The following NPTX1 variants were observed in gnomAD, a reference collection of about 807,000 sequenced individuals.
The protein encoded by NPTX1 is neuronal pentraxin 1.
Under a neutral mutation model 38.7 loss-of-function variants are expected in NPTX1, and 12 were observed. The ratio of observed to expected loss-of-function variants is 0.31; its 90% CI spans 0.20 to 0.50. The LOEUF (loss-of-function observed/expected upper bound fraction) is 0.50, where lower values mean the gene tolerates loss of function less well. NPTX1 is among the 20% of genes least tolerant of loss of function. NPTX1 has a pLI of 0.98. For missense variants in NPTX1, 454 were observed against 592.2 expected, an observed-to-expected ratio of 0.77 and a Z score of 2.42; for synonymous variants, 272 against 264.9, an observed-to-expected ratio of 1.03 and a Z score of -0.26.
At chr17:80,474,071 G>A (rs1215491112) in intron 2 of NPTX1, 1 of 154,262 alleles carries the variant, frequency 6.5e-6, no homozygotes, top group African/African-American at 2.4e-5. Flanking sequence ...TCTGCCTGGA[G>A]CTCTGCTGAG....
intron 3 of NPTX1, among the ~76,000 whole-genome samples, chr17:80,472,790 G>A (rs1236713993): frequency 1.3e-5 from 2 of 152,168 alleles, no homozygotes; most frequent in African/African-American, 4.8e-5. Flanking sequence ...GGGGCTGAGT[G>A]GGATAGACTT....
rs905630699 is a variant in NPTX1, at chr17:80,472,055, C to T, written c.898-144G>A. ...ACTGAATTCTCACAGCACCTACTGC[C>T]CCAGACTTCAGCGTCTGTCAGCCCC... On this transcript the variant is annotated intron_variant, in intron 3 of 4. Coordinates refer to ENST00000306773, the MANE Select transcript of NPTX1 (RefSeq NM_002522.4). The T allele has an allele frequency of 2.3e-5, 19 of 815,948 alleles. No individual in the cohort carries two copies. In the Admixed American group the frequency reaches 3.3e-4, roughly 14 times the overall value. 50.5% of individuals were successfully genotyped at this position (815,948 alleles called of 1,614,324 possible).
In NPTX1 at chr17:80,476,072, C is replaced by T. The variant is rs1422006300; in HGVS notation, c.375G>A (p.Pro125=). The change falls in exon 1 of 5, where the codon CCG becomes CCA. Residue 125 remains proline, a synonymous_variant. Transcript: ENST00000306773. The surrounding 1 kb of genome is among the most constrained non-coding windows in gnomAD (Gnocchi z 6.3). ...CGAGTTGGCTGAGCGTCTCGGCGGCCGGTGTCCGGGACAGGTCGCCCATGG... is the reference window on the plus strand; with the variant it reads ...CGAGTTGGCTGAGCGTCTCGGCGGCTGGTGTCCGGGACAGGTCGCCCATGG... ...KNTMGDLSRT[P]AAETLSQLGQ... 3.1e-6 allele frequency: 5 copies of T among 1,608,146 alleles called. No homozygotes were observed. Among genetic ancestry groups the T allele is most frequent in the African/African-American group, 2.7e-5 (2 of 74,188 alleles).
At position 80,470,689 on chromosome 17, in the gene NPTX1, G is replaced by T. The variant is rs2083835718; in HGVS notation, c.*124C>A. On this transcript the variant is annotated 3_prime_UTR_variant, in exon 5 of 5. Transcript: ENST00000306773. ...GGACAAAACCAGGCTGTGTGCGTGT[G>T]CGTGTGCAGGGGCGACGGCCTCGGT... 1 of 665,722 alleles carries T rather than the reference G, an allele frequency of 1.5e-6. No individual in the cohort carries two copies. Among genetic ancestry groups the T allele is most frequent in the Non-Finnish European group, 2.6e-6 (1 of 390,872 alleles). 41.2% of individuals were successfully genotyped at this position (665,722 alleles called of 1,614,324 possible).
chr17:80,473,873 A>G (rs991098735), intron 2 of NPTX1: 1 of 205,130 alleles, frequency 4.9e-6, no homozygotes, highest in African/African-American at 2.3e-5. Flanking sequence ...TGATTCCAGG[A>G]TGGGGCGGGG....
Position 80,476,277 on chromosome 17 carries a change from C to A in NPTX1, c.170G>T (p.Ser57Ile). 6.4e-7 allele frequency: 1 copy of A among 1,564,408 alleles called. No homozygotes were observed. Among genetic ancestry groups the A allele is most frequent in the Non-Finnish European group, 8.6e-7 (1 of 1,163,308 alleles). ...CACCGTCTCGCGGAGCTGCAGCACGCTGCTCCGGAGCTCCTCGGCGCCGCC... is the reference window on the plus strand; with the variant it reads ...CACCGTCTCGCGGAGCTGCAGCACGATGCTCCGGAGCTCCTCGGCGCCGCC... ...AAGGAEELRS[S>I]VLQLRETVLQ... Residue 57 changes from serine to isoleucine, a missense_variant, in exon 1 of 5, where the codon AGC becomes ATC. By Grantham distance (142) the Ser-to-Ile change is moderately radical. Transcript: ENST00000306773. This position sits in a 1 kb window ranked among gnomAD's most constrained non-coding sequence, Gnocchi z 6.3.
In NPTX1 at chr17:80,471,840, G is replaced by A. The variant is rs151190246; in HGVS notation, c.969C>T (p.Asp323=). 5.0e-5 allele frequency: 80 copies of A among 1,613,660 alleles called. No individual in the cohort carries two copies. Among genetic ancestry groups the A allele is most frequent in the Middle Eastern group, 1.7e-4 (1 of 6,060 alleles). Residue 323 remains aspartate, a synonymous_variant, in exon 4 of 5, where the codon GAC becomes GAT. Transcript: ENST00000306773. ...CATCCTGGTAGGCCTCCCAGACCCC[G>A]TCCCGGGTGGTCCAGGTGACACAGA... The part of the protein sequence containing the change: ...HHICVTWTTR[D]GVWEAYQDGT...
chr17:80,471,969 A>G lies in NPTX1; in HGVS notation c.898-58T>C, dbSNP rs1053414057. The G allele has an allele frequency of 4.8e-6, 7 of 1,471,934 alleles. No individual in the cohort carries two copies. The African/African-American group carries it at 7.0e-5, about 15-fold the overall frequency. 91.2% of individuals were successfully genotyped at this position (1,471,934 alleles called of 1,614,324 possible). On this transcript the variant is annotated intron_variant, in intron 3 of 4. Transcript: ENST00000306773. ...AGTACAGGGGTACAGCCCAGAAGCCATAATCTTCACTGCCTCAGTTGTTCC... is the reference window on the plus strand; with the variant it reads ...AGTACAGGGGTACAGCCCAGAAGCCGTAATCTTCACTGCCTCAGTTGTTCC...
In NPTX1 at chr17:80,475,817, G is replaced by A. The variant is rs374825812; in HGVS notation, c.445-99C>T. 6 of 1,032,826 alleles carry A rather than the reference G, an allele frequency of 5.8e-6. No individual in the cohort carries two copies. In the Admixed American group the frequency reaches 1.1e-4, roughly 18 times the overall value. The allele number at this position is 1,032,826 out of a possible 1,614,324, so 64.0% of individuals were successfully genotyped here. A position where few individuals can be genotyped will look rare whatever the true frequency, so the allele number is the denominator to read the frequency against. On this transcript the variant is annotated intron_variant, in intron 1 of 4. Transcript: ENST00000306773. The surrounding 1 kb of genome is among the most constrained non-coding windows in gnomAD (Gnocchi z 6.5). ...CGGTCCCCTCTGGGCGACTGCGGGG[G>A]CGGCCTGGCAGGGAGCTGGGGCGAG...
In NPTX1 at chr17:80,475,881, G is replaced by A; in HGVS notation, c.444+122C>T. ...GCCTCGCAGGCGCGGGGAGGCACCGGCCGGGCACCCGCGCGGCTGAGGCGA... is the reference window on the plus strand; with the variant it reads ...GCCTCGCAGGCGCGGGGAGGCACCGACCGGGCACCCGCGCGGCTGAGGCGA... On this transcript the variant is annotated intron_variant, in intron 1 of 4. Coordinates refer to ENST00000306773, the MANE Select transcript of NPTX1 (RefSeq NM_002522.4). The surrounding 1 kb of genome is among the most constrained non-coding windows in gnomAD (Gnocchi z 6.5). 1 of 904,690 alleles carries A rather than the reference G, an allele frequency of 1.1e-6. No homozygotes were observed. Among genetic ancestry groups the A allele is most frequent in the Non-Finnish European group, 1.5e-6 (1 of 648,688 alleles). The allele number at this position is 904,690 out of a possible 1,614,324, so 56.0% of individuals were successfully genotyped here.
rs1424765782 is a variant in NPTX1 at position 80,475,332 on chromosome 17, G to A, written c.652+179C>T. Among the ~76,000 whole-genome samples the A allele has an allele frequency of 6.6e-6, 1 of 152,190 alleles. No homozygotes were observed. Among genetic ancestry groups the A allele is most frequent in the Non-Finnish European group, 1.5e-5 (1 of 68,036 alleles). ...GGCACCCAGCCCTGATAGAAACACC[G>A]ACTAGAAGCCCAGAACCTGGGAAGG... On this transcript the variant is annotated intron_variant, in intron 2 of 4. Coordinates refer to ENST00000306773, the MANE Select transcript of NPTX1 (RefSeq NM_002522.4). The surrounding 1 kb of genome is among the most constrained non-coding windows in gnomAD (Gnocchi z 6.5).
rs939401384 is a variant in NPTX1 at position 80,469,931 on chromosome 17, G to A, written c.*882C>T. ...TGAAGCAGTGCAGCACAGCTCCAGA[G>A]GTGAGAAGGGAGGGGCAGACCCCAG... On this transcript the variant is annotated 3_prime_UTR_variant, in exon 5 of 5. Transcript: ENST00000306773. The A allele has an allele frequency of 6.6e-6, 1 of 152,382 alleles. No homozygotes were observed. The highest frequency in any genetic ancestry group is 1.5e-5 in the Non-Finnish European group (1 of 68,152). 9.4% of individuals were successfully genotyped at this position (152,382 alleles called of 1,614,324 possible).
Position 80,466,899 on chromosome 17 carries a change from G to GAAAAAAAAAAAAAAA in NPTX1, c.*3899_*3913dup, listed in dbSNP as rs57945494. Among the ~76,000 whole-genome samples, 1 of 132,268 alleles carries GAAAAAAAAAAAAAAA rather than the reference G, an allele frequency of 7.6e-6. No individual in the cohort carries two copies. Among genetic ancestry groups the GAAAAAAAAAAAAAAA allele is most frequent in the Non-Finnish European group, 1.6e-5 (1 of 63,632 alleles). 86.8% of individuals were successfully genotyped at this position (132,268 alleles called of 152,430 possible). The stretch of plus-strand genomic sequence containing the variant: ...ATTCATGTCATTTCAGCAAGAAAAT[G>GAAAAAAAAAAAAAAA]AAAAAAAAAAAAAAAGCAAGAATAC... On this transcript the variant is annotated 3_prime_UTR_variant, in exon 5 of 5. Transcript: ENST00000306773.
rs1465827934 is a variant in NPTX1, at chr17:80,475,419, C to T, written c.652+92G>A. 3 of 925,282 alleles carry T rather than the reference C, an allele frequency of 3.2e-6. No homozygotes were observed. The East Asian group carries it at 8.4e-5, about 26-fold the overall frequency. 57.3% of individuals were successfully genotyped at this position (925,282 alleles called of 1,614,324 possible). The stretch of plus-strand genomic sequence containing the variant: ...GTAGCGGAGCGGCTTGAGGCTTGCA[C>T]AGTGCAGAGCTGGGCTGTTAGGGAT... On this transcript the variant is annotated intron_variant, in intron 2 of 4. Transcript: ENST00000306773. This position sits in a 1 kb window ranked among gnomAD's most constrained non-coding sequence, Gnocchi z 6.5.
At chr17:80,471,146 G>A (rs1044358580) in intron 4 of NPTX1, 112 bp from the exon 5 acceptor site, 44 of 807,438 alleles carry the variant, frequency 5.4e-5, no homozygotes, top group African/African-American at 5.4e-4. Flanking sequence ...GGACTCTCAC[G>A]GACACTCCTA....
chr17:80,472,827 C>T (rs2083849679), intron 3 of NPTX1, among the ~76,000 whole-genome samples: 1 of 152,176 alleles, frequency 6.6e-6, no homozygotes. Flanking sequence ...TCTAAGGACC[C>T]CTCACCCCGC....
chr17:80,467,126 CTTTTTTTTT>C lies in NPTX1; in HGVS notation c.*3678_*3686del, dbSNP rs57367856. 1.3e-5 allele frequency: 1 copy of C among 79,104 alleles called. No individual in the cohort carries two copies. The highest frequency in any genetic ancestry group is 2.3e-5 in the Non-Finnish European group (1 of 43,406). The allele number at this position is 79,104 out of a possible 1,614,324, so 4.9% of individuals were successfully genotyped here. A position where few individuals can be genotyped will look rare whatever the true frequency, so the allele number is the denominator to read the frequency against. Reference sequence around the variant, plus strand: ...AACAATATCAACCATAGGGGGTTTGCTTTTTTTTTTTTTTTTTTTTTGGCAAATGAGACA... The same window carrying C: ...AACAATATCAACCATAGGGGGTTTGCTTTTTTTTTTTTGGCAAATGAGACA... On this transcript the variant is annotated 3_prime_UTR_variant, in exon 5 of 5. Transcript: ENST00000306773.
chr17:80,470,638 G>A lies in NPTX1; in HGVS notation c.*175C>T. The A allele has an allele frequency of 1.8e-6, 1 of 563,188 alleles. No individual in the cohort carries two copies. The highest frequency in any genetic ancestry group is 3.2e-6 in the Non-Finnish European group (1 of 314,680). The allele number at this position is 563,188 out of a possible 1,614,324, so 34.9% of individuals were successfully genotyped here. ...GTGGGGCTTCCTCAGGGACAGATGG[G>A]AGCAGGGGCTGCTTCGTGTGCATGA... On this transcript the variant is annotated 3_prime_UTR_variant, in exon 5 of 5. Transcript: ENST00000306773.
intron 4 of NPTX1, 33 bp downstream of exon 4, chr17:80,471,699 C>A (rs1346078305): frequency 6.3e-7 from 1 of 1,585,558 alleles, no homozygotes; most frequent in South Asian, 1.1e-5. Context: ...TTCTGAAGCT[C>A]TCTCCCCTTC....
Sources: allele counts gnomAD v4.1 joint callset (sites outside exome capture counted in the v4.1 genomes callset), GRCh38; gene constraint gnomAD v4.1.1; non-coding constraint Gnocchi (gnomAD v3.1); transcripts MANE v1.5; gene names NCBI Gene and HGNC (gene_info 2026-07-23, HGNC 2026-07-21).